GATA3: variants seen among roughly 807,000 people sequenced by gnomAD.
The protein encoded by GATA3 is trans-acting T-cell-specific transcription factor GATA-3.
In GATA3, 6 loss-of-function variants were observed where a neutral mutation model predicts 36.0. The observed-to-expected ratio is 0.17, with a 90% CI of 0.09 to 0.33. The LOEUF is 0.33. Ranked by LOEUF, GATA3 falls within the 10% of genes least tolerant of loss-of-function variation. The pLI is 1.00. For missense variants in GATA3, 514 were observed against 610.1 expected (o/e 0.84, Z 1.66); for synonymous variants, 326 against 273.0 (o/e 1.19, Z -1.92).
chr10:8,065,633 T>C (rs1019990356), intron 4 of GATA3, among the ~76,000 whole-genome samples: 2 of 151,762 alleles, frequency 1.3e-5, no homozygotes, highest in African/African-American at 4.8e-5. Flanking sequence ...CGAGGCTTTA[T>C]TCTTTCTGAT....
Position 8,055,821 on chromosome 10 carries a change from C to A in GATA3, c.166C>A (p.Gln56Lys). The change falls in exon 2 of 6, where the codon CAA becomes AAA. Residue 56 changes from glutamine to lysine, a missense_variant. This residue lies in a region of GATA3 where 381 missense variants were observed against 354.3 expected (regional missense o/e 1.08). Coordinates refer to ENST00000379328, the MANE Select transcript of GATA3 (RefSeq NM_001002295.2). This position sits in a 1 kb window ranked among gnomAD's most constrained non-coding sequence, Gnocchi z 5.4. ...GGATGTGCTTTTTAACATCGACGGT[C>A]AAGGCAACCACGTCCCGCCCTACTA... The part of the protein sequence containing the change: ...EVDVLFNIDG[Q>K]GNHVPPYYGN... The A allele has an allele frequency of 6.3e-7, 1 of 1,590,866 alleles. No homozygotes were observed. The highest frequency in any genetic ancestry group is 1.1e-5 in the South Asian group (1 of 87,350).
upstream of GATA3, among the ~76,000 whole-genome samples, chr10:8,054,335 A>C (rs1486563337): frequency 1.3e-5 from 2 of 152,190 alleles, no homozygotes; most frequent in Admixed American, 1.3e-4. The surrounding 1 kb of genome is among the most constrained non-coding windows in gnomAD (Gnocchi z 4.2). Context: ...GGCTGGCTGC[A>C]CCGGGACGGA....
upstream of GATA3, chr10:8,052,443 G>A (rs1022069586): frequency 6.6e-6 from 1 of 152,200 alleles, no homozygotes; most frequent in African/African-American, 2.4e-5. Flanking sequence ...AGCCTCAGAA[G>A]TCAGCATTTT....
Position 8,074,675 on chromosome 10 carries a change from T to G in GATA3, c.*652T>G. Reference sequence around the variant, plus strand: ...GAGCCTTTTTCTAGGCCTACATGCTTTGTGAACAAGTCCCTGTAATTGTTG... The same window carrying G: ...GAGCCTTTTTCTAGGCCTACATGCTGTGTGAACAAGTCCCTGTAATTGTTG... On this transcript the variant is annotated 3_prime_UTR_variant, in exon 6 of 6. Transcript: ENST00000379328. The G allele has an allele frequency of 4.3e-6, 1 of 233,800 alleles. No homozygotes were observed. The highest frequency in any genetic ancestry group is 6.0e-5 in the East Asian group (1 of 16,580). 14.5% of individuals were successfully genotyped at this position (233,800 alleles called of 1,614,324 possible).
At chr10:8,065,406 C>G (rs894217599) in intron 4 of GATA3, among the ~76,000 whole-genome samples, 1 of 151,712 alleles carries the variant, frequency 6.6e-6, no homozygotes, top group Non-Finnish European at 1.5e-5. Context: ...TAGGGACACC[C>G]GCCCCCACAC....
In GATA3 at chr10:8,058,526, C is replaced by T. The variant is rs745848216; in HGVS notation, c.463C>T (p.Pro155Ser). 1.2e-6 allele frequency: 2 copies of T among 1,611,984 alleles called. No homozygotes were observed. The highest frequency in any genetic ancestry group is 3.3e-5 in the Admixed American group (2 of 60,004). Reference protein sequence around the residue: ...HASPHLFTFPPTPPKDVSPDP... With the variant: ...HASPHLFTFPSTPPKDVSPDP... ...CAGCCCGCACCTCTTCACCTTCCCG[C>T]CCACCCCGCCGAAGGACGTCTCCCC... Residue 155 changes from proline (P) to serine (S), a missense_variant, in exon 3 of 6, where the codon CCC (proline) becomes TCC (serine). Around this residue, in one of 3 missense-constraint regions of GATA3, gnomAD observed 381 missense variants for 354.3 expected, o/e 1.08. Transcript: ENST00000379328.
chr10:8,047,758 G>A (rs1317557248), intron 1 of GATA3, among the ~76,000 whole-genome samples: 1 of 152,176 alleles, frequency 6.6e-6, no homozygotes, highest in Admixed American at 6.5e-5. Flanking sequence ...ATAACAAATT[G>A]CTTAGGGTCC....
chr10:8,061,286 T>G (rs1258259300), intron 3 of GATA3, among the ~76,000 whole-genome samples: 1 of 152,178 alleles, frequency 6.6e-6, no homozygotes, highest in Non-Finnish European at 1.5e-5. Context: ...CCAGGGCCGC[T>G]TCTTAGCTCC....
At chr10:8,054,419 C>T (rs916681836), upstream of GATA3, among the ~76,000 whole-genome samples, 1 of 152,304 alleles carries the variant, frequency 6.6e-6, no homozygotes, top group East Asian at 1.9e-4. The surrounding 1 kb of genome is among the most constrained non-coding windows in gnomAD (Gnocchi z 4.2). Context: ...CGTTCCCTCC[C>T]GTCCGCCCCC....
rs1832897196 is a variant in GATA3 at position 8,069,464 on chromosome 10, C to T, written c.925-9C>T. ...TTGATTTCACCCTCTCCTCTCTCCC[C>T]ACTCTCAGTCTGCAGCCAGGAGAGC... On this transcript the variant is annotated splice_polypyrimidine_tract_variant and intron_variant, in intron 4 of 5. Transcript: ENST00000379328. 6.2e-7 allele frequency: 1 copy of T among 1,613,282 alleles called. No homozygotes were observed. Among genetic ancestry groups the T allele is most frequent in the Non-Finnish European group, 8.5e-7 (1 of 1,179,424 alleles).
chr10:8,054,531 G>A (rs913845606), upstream of GATA3: 4 of 152,032 alleles, frequency 2.6e-5, no homozygotes, highest in Non-Finnish European at 5.9e-5. The surrounding 1 kb of genome is among the most constrained non-coding windows in gnomAD (Gnocchi z 4.2). Flanking sequence ...GGAGGGGCGG[G>A]GGTGCGCGGG....
At chr10:8,050,258 A>G (rs558308210), upstream of GATA3, among the ~76,000 whole-genome samples, 2 of 152,326 alleles carry the variant, frequency 1.3e-5, no homozygotes, top group South Asian at 4.1e-4. Context: ...TAATTGCTCC[A>G]ACAATGGCCT....
At chr10:8,067,332 G>T (rs1056710853) in intron 4 of GATA3, among the ~76,000 whole-genome samples, 18 of 152,182 alleles carry the variant, frequency 1.2e-4, no homozygotes, top group African/African-American at 3.9e-4. Context: ...AGAAAAGAAA[G>T]AATTTTTTTA....
intron 3 of GATA3, 125 bp from the exon 4 acceptor site, chr10:8,063,868 T>C: frequency 3.1e-6 from 4 of 1,309,224 alleles, no homozygotes; most frequent in Non-Finnish European, 4.4e-6. Flanking sequence ...GTGGACACGC[T>C]CCCCAAAAGA....
chr10:8,069,153 C>T (rs1288255453), intron 4 of GATA3, among the ~76,000 whole-genome samples: 1 of 152,152 alleles, frequency 6.6e-6, no homozygotes, highest in East Asian at 1.9e-4. Context: ...AATTAACCCT[C>T]TGGTGTACTT....
Position 8,071,457 on chromosome 10 carries a change from G to T in GATA3, c.1050+1859G>T, listed in dbSNP as rs578068150. On this transcript the variant is annotated intron_variant, in intron 5 of 5. Transcript: ENST00000379328. ...TATATGTTTTTTTGAATAGTTAGCT[G>T]GGATGAGATATGATCTCACTTGTGT... is the stretch of plus-strand genomic sequence containing the variant. 3.9e-5 allele frequency among the ~76,000 whole-genome samples: 6 copies of T among 152,284 alleles called. No homozygotes were observed. In the South Asian group the frequency reaches 1.2e-3, roughly 32 times the overall value.
At chr10:8,072,547 C>T (rs1832947348) in intron 5 of GATA3, among the ~76,000 whole-genome samples, 1 of 152,122 alleles carries the variant, frequency 6.6e-6, no homozygotes, top group Admixed American at 6.5e-5. Context: ...GATTCTGGGC[C>T]CCCAAAGCAA....
At chr10:8,064,390 G>T (rs3781092) in intron 4 of GATA3, among the ~76,000 whole-genome samples, 1 of 143,164 alleles carries the variant, frequency 7.0e-6, no homozygotes, top group Non-Finnish European at 1.5e-5. Flanking sequence ...TTCTTAAGTC[G>T]CTTGTGAACA....
At chr10:8,058,933 C>G in intron 3 of GATA3, 92 bp downstream of exon 3, 1 of 1,209,136 alleles carries the variant, frequency 8.3e-7, no homozygotes, top group Non-Finnish European at 1.2e-6. Flanking sequence ...CTCAGGGGAG[C>G]CGGGGTGTCC....
Sources: gnomAD v4.1 joint callset for allele counts (sites outside exome capture counted in the v4.1 genomes callset) on GRCh38, gnomAD v4.1.1 for gene constraint, gnomAD v4.1.1 regional missense constraint, Gnocchi (gnomAD v3.1) non-coding constraint, MANE v1.5 for transcripts, NCBI Gene and HGNC (gene_info 2026-07-23, HGNC 2026-07-21) for gene names.